The following MSRA variants were observed in gnomAD, a reference collection of about 807,000 sequenced individuals.
MSRA encodes the protein mitochondrial peptide methionine sulfoxide reductase.
A neutral mutation model predicts 31.3 loss-of-function variants in MSRA; 54 were observed. The ratio of observed to expected loss-of-function variants is 1.73; its 90% CI spans 1.39 to 2.17. MSRA has a LOEUF of 2.17. Ranked by LOEUF, MSRA falls within the 30% of genes most tolerant of loss-of-function variation. The probability of loss-of-function intolerance (pLI) is 0.00; values close to 1 mark genes in which losing one functional copy is unlikely to be tolerated. For missense variants in MSRA, 507 were observed against 300.9 expected, an observed-to-expected ratio of 1.69 and a Z score of -5.07; for synonymous variants, 169 against 116.5, an observed-to-expected ratio of 1.45 and a Z score of -2.90.
At chr8:10,101,495 C>T (rs1164882042) in intron 1 of MSRA, among the ~76,000 whole-genome samples, 1 of 152,086 alleles carries the variant, frequency 6.6e-6, no homozygotes, top group Admixed American at 6.5e-5. Context: ...TCTTGCAAAA[C>T]CAAAATTCTG....
chr8:10,142,772 A>T (rs545880916), intron 1 of MSRA, among the ~76,000 whole-genome samples: 1 of 152,340 alleles, frequency 6.6e-6, no homozygotes, highest in Non-Finnish European at 1.5e-5. Context: ...GGAACTGCCA[A>T]AGTCAGTTGC....
intron 1 of MSRA, among the ~76,000 whole-genome samples, chr8:10,090,736 G>A (rs1798811857): frequency 6.6e-6 from 1 of 152,186 alleles, no homozygotes; most frequent in Non-Finnish European, 1.5e-5. Context: ...TATGTTCTGT[G>A]TCTGTGGATT....
intron 3 of MSRA, among the ~76,000 whole-genome samples, chr8:10,254,349 T>G (rs1563273625): frequency 6.6e-6 from 1 of 152,210 alleles, no homozygotes; most frequent in Admixed American, 6.5e-5. Context: ...CTCTTCTCTT[T>G]TGCTTCTTCT....
intron 3 of MSRA, among the ~76,000 whole-genome samples, chr8:10,291,082 A>C (rs1259925240): frequency 6.6e-6 from 1 of 152,198 alleles, no homozygotes; most frequent in East Asian, 1.9e-4. Context: ...CTAGTTACCT[A>C]CTTCTACGTA....
At chr8:10,076,241 G>C (rs1216162082) in intron 1 of MSRA, among the ~76,000 whole-genome samples, 2 of 152,242 alleles carry the variant, frequency 1.3e-5, no homozygotes, top group Non-Finnish European at 2.9e-5. Context: ...TTTGCAGTGT[G>C]ATGCGTCCAG....
intron 5 of MSRA, among the ~76,000 whole-genome samples, chr8:10,412,198 A>G (rs1304314819): frequency 2.6e-5 from 4 of 152,384 alleles, no homozygotes; most frequent in East Asian, 1.9e-4. Flanking sequence ...TTTAGTCTGA[A>G]CAAATAATTG....
chr8:10,390,986 A>AG (rs1806708334), intron 5 of MSRA, among the ~76,000 whole-genome samples: 1 of 151,620 alleles, frequency 6.6e-6, no homozygotes. Flanking sequence ...AAAGAAAAAA[A>AG]AAAAAAACAG....
chr8:10,335,099 C>T (rs1226534796), intron 5 of MSRA, among the ~76,000 whole-genome samples: 2 of 152,234 alleles, frequency 1.3e-5, no homozygotes, highest in African/African-American at 4.8e-5. Flanking sequence ...GGACCGCCCC[C>T]CGCACCGTGC....
At chr8:10,273,168 A>C (rs931106750) in intron 3 of MSRA, among the ~76,000 whole-genome samples, 1 of 152,206 alleles carries the variant, frequency 6.6e-6, no homozygotes. Flanking sequence ...GTTTTAGTCT[A>C]AGTTATAGTG....
chr8:10,238,896 G>A (rs1265420064), intron 2 of MSRA, among the ~76,000 whole-genome samples: 1 of 152,110 alleles, frequency 6.6e-6, no homozygotes, highest in Non-Finnish European at 1.5e-5. Flanking sequence ...GGAAAAGATA[G>A]AGAAATTTAA....
intron 5 of MSRA, among the ~76,000 whole-genome samples, chr8:10,365,236 T>G (rs886950893): frequency 6.6e-6 from 1 of 151,908 alleles, no homozygotes; most frequent in Non-Finnish European, 1.5e-5. Flanking sequence ...AGTACTGTTC[T>G]TAATTTCCTG....
At chr8:10,268,726 T>C (rs998987813) in intron 3 of MSRA, among the ~76,000 whole-genome samples, 3 of 152,270 alleles carry the variant, frequency 2.0e-5, no homozygotes, top group Non-Finnish European at 2.9e-5. Context: ...TATGGGCCTG[T>C]GGCCCCAGGT....
chr8:10,064,207 C>T (rs568685777), intron 1 of MSRA, among the ~76,000 whole-genome samples: 1 of 152,258 alleles, frequency 6.6e-6, no homozygotes, highest in East Asian at 1.9e-4. Context: ...ATCAAAATGC[C>T]CTCTCCGTTC....
chr8:10,163,884 C>T (rs533492421), intron 1 of MSRA, among the ~76,000 whole-genome samples: 76 of 152,326 alleles, frequency 5.0e-4, no homozygotes, highest in African/African-American at 1.7e-3. Flanking sequence ...TCGGCATTGT[C>T]GGCTGTTGCT....
At chr8:10,274,485 T>G (rs1799214613) in intron 3 of MSRA, among the ~76,000 whole-genome samples, 1 of 152,206 alleles carries the variant, frequency 6.6e-6, no homozygotes, top group Non-Finnish European at 1.5e-5. Flanking sequence ...TCAGTCATTT[T>G]GCGGAAGTTC....
chr8:10,344,448 C>T (rs989405824), intron 5 of MSRA, among the ~76,000 whole-genome samples: 1 of 151,714 alleles, frequency 6.6e-6, no homozygotes, highest in Non-Finnish European at 1.5e-5. Context: ...GTGGTGGGCT[C>T]CTGAAGTCCC....
At chr8:10,070,036 A>G (rs1482786092) in intron 1 of MSRA, among the ~76,000 whole-genome samples, 1 of 152,232 alleles carries the variant, frequency 6.6e-6, no homozygotes, top group Admixed American at 6.5e-5. Flanking sequence ...TGCCAAGGAT[A>G]TAAAATTGGT....
chr8:10,270,034 T>C (rs914114116), intron 3 of MSRA, among the ~76,000 whole-genome samples: 2 of 152,212 alleles, frequency 1.3e-5, no homozygotes, highest in Non-Finnish European at 2.9e-5. Flanking sequence ...AAGAAGATAA[T>C]GTGCAATGGA....
At chr8:10,262,251 G>T (rs746091633) in intron 3 of MSRA, among the ~76,000 whole-genome samples, 1 of 152,208 alleles carries the variant, frequency 6.6e-6, no homozygotes, top group Non-Finnish European at 1.5e-5. Context: ...TTAAGAATGT[G>T]ATTGCTGGAT....
Sources: gnomAD v4.1 joint callset for allele counts (sites outside exome capture counted in the v4.1 genomes callset) on GRCh38, gnomAD v4.1.1 for gene constraint, MANE v1.5 for transcripts, NCBI Gene and HGNC (gene_info 2026-07-23, HGNC 2026-07-21) for gene names.